Variants in AAK1 observed in about 807,000 individuals in gnomAD.
The protein encoded by AAK1 is AP2 associated kinase 1, also known as AP2-associated protein kinase 1.
AAK1 carries 37 observed loss-of-function variants against 116.0 expected under a neutral mutation model. That is an observed-to-expected ratio of 0.32 (90% CI 0.25 to 0.42). The LOEUF is 0.42. AAK1 is among the 10% of genes least tolerant of loss of function. The probability of loss-of-function intolerance (pLI) is 1.00; values close to 1 mark genes in which losing one functional copy is unlikely to be tolerated. For missense variants in AAK1, 919 were observed against 1,170.6 expected (o/e 0.79, Z 3.14); for synonymous variants, 458 against 439.9 (o/e 1.04, Z -0.51).
intron 8 of AAK1, among the ~76,000 whole-genome samples, chr2:69,528,707 G>A (rs549251514): frequency 3.3e-5 from 5 of 152,280 alleles, no homozygotes; most frequent in South Asian, 2.1e-4. Context: ...AGATCTGTGC[G>A]TTTAGGGTGA....
chr2:69,575,120 T>C (rs1346539160), intron 2 of AAK1, among the ~76,000 whole-genome samples: 3 of 152,148 alleles, frequency 2.0e-5, no homozygotes, highest in Non-Finnish European at 4.4e-5. Context: ...ATCTATGTTC[T>C]ATAATGACCA....
rs1674280897 is a variant in AAK1 at position 69,459,115 on chromosome 2, G to A, written c.*16754C>T. 1.3e-5 allele frequency: 2 copies of A among 152,174 alleles called. No homozygotes were observed. The highest frequency in any genetic ancestry group is 2.9e-5 in the Non-Finnish European group (2 of 68,042). The allele number at this position is 152,174 out of a possible 1,614,324, so 9.4% of individuals were successfully genotyped here. A position where few individuals can be genotyped will look rare whatever the true frequency, so the allele number is the denominator to read the frequency against. ...AGCCATTTTTACCAGCTATTCTAGA[G>A]TCCCTTCACACATAAACTTGACCCT... On this transcript the variant is annotated 3_prime_UTR_variant, in exon 22 of 22. Transcript: ENST00000409085.
chr2:69,458,727 ACCCCATT>A lies in AAK1; in HGVS notation c.*17135_*17141del. 6.6e-6 allele frequency: 1 copy of A among 152,378 alleles called. No individual in the cohort carries two copies. Among genetic ancestry groups the A allele is most frequent in the Middle Eastern group, 3.3e-3 (1 of 300 alleles). The allele number at this position is 152,378 out of a possible 1,614,324, so 9.4% of individuals were successfully genotyped here. A position where few individuals can be genotyped will look rare whatever the true frequency, so the allele number is the denominator to read the frequency against. ...AATGAGCACACACACACACACACAC[ACCCCATT>A]CACACTCAAATAGGAATCTCTGGTA... is the stretch of plus-strand genomic sequence containing the variant. On this transcript the variant is annotated 3_prime_UTR_variant, in exon 22 of 22. Coordinates refer to ENST00000409085, the MANE Select transcript of AAK1 (RefSeq NM_014911.5).
At position 69,468,782 on chromosome 2, in the gene AAK1, G is replaced by A. The variant is rs1020592504; in HGVS notation, c.*7087C>T. The A allele has an allele frequency of 2.0e-6, 2 of 985,290 alleles. No homozygotes were observed. The highest frequency in any genetic ancestry group is 1.7e-5 in the African/African-American group (1 of 57,210). The allele number at this position is 985,290 out of a possible 1,614,324, so 61.0% of individuals were successfully genotyped here. Reference sequence around the variant, plus strand: ...AGAACTAGGAAGTACCAAGGGGTGTGTGTATGTGCCCATATTCAGGGTTGG... The same window carrying A: ...AGAACTAGGAAGTACCAAGGGGTGTATGTATGTGCCCATATTCAGGGTTGG... On this transcript the variant is annotated 3_prime_UTR_variant, in exon 22 of 22. Transcript: ENST00000409085.
intron 2 of AAK1, among the ~76,000 whole-genome samples, chr2:69,604,634 GAGA>G (rs1673719471): frequency 6.6e-6 from 1 of 152,196 alleles, no homozygotes; most frequent in Non-Finnish European, 1.5e-5. Flanking sequence ...TCACAGGATG[GAGA>G]AGGAACAGAG....
intron 12 of AAK1, among the ~76,000 whole-genome samples, chr2:69,516,182 T>C (rs1558926776): frequency 6.6e-6 from 1 of 152,128 alleles, no homozygotes; most frequent in Non-Finnish European, 1.5e-5. Flanking sequence ...GAAAATAATG[T>C]GCTAAACATT....
chr2:69,539,529 C>T (rs906824251), intron 5 of AAK1, among the ~76,000 whole-genome samples: 8 of 152,178 alleles, frequency 5.3e-5, no homozygotes, highest in Non-Finnish European at 1.2e-4. Context: ...GGCAGCAAGG[C>T]CAGGGGTCAG....
chr2:69,641,062 G>A (rs963890868), intron 2 of AAK1, among the ~76,000 whole-genome samples: 1 of 152,166 alleles, frequency 6.6e-6, no homozygotes. Context: ...TACGTGATGC[G>A]CAGTTCTCAA....
chr2:69,469,637 G>C lies in AAK1; in HGVS notation c.*6232C>G, dbSNP rs1674609586. On this transcript the variant is annotated 3_prime_UTR_variant, in exon 22 of 22. Coordinates refer to ENST00000409085, the MANE Select transcript of AAK1 (RefSeq NM_014911.5). ...GTAAACACTGCCTGTTGTACCTCAG[G>C]GGCTAAAGCCCAGGGCCTGGCTTCA... 1 of 985,324 alleles carries C rather than the reference G, an allele frequency of 1.0e-6. No homozygotes were observed. The highest frequency in any genetic ancestry group is 1.7e-5 in the African/African-American group (1 of 57,240). 61.0% of individuals were successfully genotyped at this position (985,324 alleles called of 1,614,324 possible). A position where few individuals can be genotyped will look rare whatever the true frequency, so the allele number is the denominator to read the frequency against.
intron 2 of AAK1, among the ~76,000 whole-genome samples, chr2:69,601,201 C>T (rs1466254392): frequency 6.6e-6 from 1 of 152,150 alleles, no homozygotes; most frequent in Non-Finnish European, 1.5e-5. Context: ...AAAGTGTGCC[C>T]AAGTATACCA....
intron 12 of AAK1, among the ~76,000 whole-genome samples, chr2:69,515,095 C>T (rs1470188080): frequency 6.6e-6 from 1 of 152,170 alleles, no homozygotes; most frequent in African/African-American, 2.4e-5. Flanking sequence ...AAACGATCTC[C>T]TAATCATAGA....
At chr2:69,479,734 A>T (rs899942565) in intron 19 of AAK1, among the ~76,000 whole-genome samples, 16 of 152,164 alleles carry the variant, frequency 1.1e-4, no homozygotes, top group Admixed American at 8.5e-4. Flanking sequence ...TTTTGACTTC[A>T]GAAAACCAAG....
rs552442948 is a variant in AAK1, at chr2:69,516,455, G to A, written c.1498-1706C>T. 6.2e-4 allele frequency among the ~76,000 whole-genome samples: 95 copies of A among 152,142 alleles called. 1 individual carries two copies. The highest frequency in any genetic ancestry group is 1.1e-3 in the Non-Finnish European group (78 of 68,008). On this transcript the variant is annotated intron_variant, in intron 12 of 21. Transcript: ENST00000409085. ...AATATATTTTCTAATTGTCCACTGA[G>A]AAGGCCTAGAAACAACAAGCAATCC...
Position 69,475,658 on chromosome 2 carries a change from C to T in AAK1, c.*211G>A. The T allele has an allele frequency of 2.2e-6, 3 of 1,353,846 alleles. No homozygotes were observed. Among genetic ancestry groups the T allele is most frequent in the Non-Finnish European group, 2.9e-6 (3 of 1,052,470 alleles). 83.9% of individuals were successfully genotyped at this position (1,353,846 alleles called of 1,614,324 possible). ...GTAATGAGAAAACACAGCAAACTAA[C>T]AAGGAGGAACTGGCCAAGGAATATC... On this transcript the variant is annotated 3_prime_UTR_variant, in exon 22 of 22. Transcript: ENST00000409085.
rs769235313 is a variant in AAK1 at position 69,476,996 on chromosome 2, T to C, written c.2681-6A>G. The C allele has an allele frequency of 6.3e-7, 1 of 1,597,054 alleles. No individual in the cohort carries two copies. Among genetic ancestry groups the C allele is most frequent in the Non-Finnish European group, 8.6e-7 (1 of 1,167,714 alleles). On this transcript the variant is annotated splice_polypyrimidine_tract_variant and splice_region_variant and intron_variant, in intron 20 of 21. Transcript: ENST00000409085. ...GAGATTACTATCTTCTGCAGCTTAA[T>C]ACAGAATGCAAGTACACAAGCAGAA...
At chr2:69,478,365 A>G (rs528017071) in intron 20 of AAK1, 3 of 152,380 alleles carry the variant, frequency 2.0e-5, no homozygotes, top group African/African-American at 7.2e-5. Context: ...TCTGCATTCT[A>G]TGTTCTTGCC....
At chr2:69,545,100 A>G (rs1402845613) in intron 3 of AAK1, among the ~76,000 whole-genome samples, 1 of 151,934 alleles carries the variant, frequency 6.6e-6, no homozygotes, top group Non-Finnish European at 1.5e-5. Context: ...TTTTGTTCAT[A>G]ATCAGGCCTT....
chr2:69,599,201 A>G (rs553674488), intron 2 of AAK1, among the ~76,000 whole-genome samples: 5 of 152,202 alleles, frequency 3.3e-5, no homozygotes, highest in Non-Finnish European at 7.3e-5. Flanking sequence ...ACTGAAACTA[A>G]TAAGACCAAA....
chr2:69,503,979 A>G lies in AAK1; in HGVS notation c.2269+1590T>C, dbSNP rs1009766699. ...GCACCATTGCACTCCAGCCCCGGCA[A>G]CAAGAGCGAAATTCCGTCTAAAAAA... On this transcript the variant is annotated intron_variant, in intron 16 of 21. Coordinates refer to ENST00000409085, the MANE Select transcript of AAK1 (RefSeq NM_014911.5). Among the ~76,000 whole-genome samples, 18 of 149,848 alleles carry G rather than the reference A, an allele frequency of 1.2e-4. 1 individual carries two copies. Among genetic ancestry groups the G allele is most frequent in the African/African-American group, 3.0e-4 (12 of 40,502 alleles).
Sources: gnomAD v4.1 joint callset for allele counts (sites outside exome capture counted in the v4.1 genomes callset) on GRCh38, gnomAD v4.1.1 for gene constraint, MANE v1.5 for transcripts, NCBI Gene and HGNC (gene_info 2026-07-23, HGNC 2026-07-21) for gene names.